Variants in ANO4 observed in about 807,000 individuals in gnomAD.
ANO4 encodes anoctamin-4.
Under a neutral mutation model 141.9 loss-of-function variants are expected in ANO4, and 69 were observed. The ratio of observed to expected loss-of-function variants is 0.49; its 90% confidence interval spans 0.40 to 0.59. The LOEUF (loss-of-function observed/expected upper bound fraction) is 0.59, where lower values mean the gene tolerates loss of function less well. ANO4 is among the 20% of genes least tolerant of loss of function. ANO4 has a pLI of 0.00. For missense variants in ANO4, 894 were observed against 1,162.2 expected (o/e 0.77, Z 3.36); for synonymous variants, 350 against 394.3 (o/e 0.89, Z 1.33).
intron 13 of ANO4, among the ~76,000 whole-genome samples, chr12:101,044,113 A>T (rs1043352853): frequency 1.3e-5 from 2 of 152,154 alleles, no homozygotes; most frequent in Non-Finnish European, 2.9e-5. Flanking sequence ...TATTGTCAAA[A>T]TGACCTCCAA....
chr12:100,819,348 G>A (rs1479894357), intron 1 of ANO4, among the ~76,000 whole-genome samples: 1 of 151,862 alleles, frequency 6.6e-6, no homozygotes, highest in African/African-American at 2.4e-5. Context: ...ATAGGTACCA[G>A]CAATATAGAT....
At chr12:100,803,602 A>C (rs2034823375) in intron 1 of ANO4, among the ~76,000 whole-genome samples, 1 of 152,220 alleles carries the variant, frequency 6.6e-6, no homozygotes, top group Non-Finnish European at 1.5e-5. Context: ...TTAGGATTTA[A>C]AGGAAAATGT....
intron 1 of ANO4, among the ~76,000 whole-genome samples, chr12:100,823,053 A>G (rs1346834906): frequency 6.6e-6 from 1 of 152,064 alleles, no homozygotes; most frequent in Non-Finnish European, 1.5e-5. Context: ...CTGAAAAAAA[A>G]TCAGATATTT....
intron 3 of ANO4, among the ~76,000 whole-genome samples, chr12:100,925,168 G>C (rs969580782): frequency 6.6e-6 from 1 of 152,008 alleles, no homozygotes; most frequent in Non-Finnish European, 1.5e-5. Context: ...AAGATTTTGG[G>C]CCATTCAGTC....
intron 9 of ANO4, among the ~76,000 whole-genome samples, chr12:101,031,187 T>C (rs530602046): frequency 7.2e-4 from 110 of 152,276 alleles, no homozygotes; most frequent in African/African-American, 2.6e-3. Flanking sequence ...AAATCCTCAA[T>C]AAAATACTGG....
chr12:100,924,721 G>T (rs1172817019), intron 3 of ANO4, among the ~76,000 whole-genome samples: 1 of 152,078 alleles, frequency 6.6e-6, no homozygotes, highest in Non-Finnish European at 1.5e-5. Context: ...ATGATAGGTT[G>T]TACAGTGCTC....
chr12:101,004,002 G>A (rs1401428101), intron 8 of ANO4, among the ~76,000 whole-genome samples: 1 of 151,916 alleles, frequency 6.6e-6, no homozygotes, highest in Non-Finnish European at 1.5e-5. Context: ...AGCAGGATAG[G>A]TAGATGGCTG....
At chr12:101,112,683 C>G (rs2050706579) in intron 24 of ANO4, among the ~76,000 whole-genome samples, 1 of 152,150 alleles carries the variant, frequency 6.6e-6, no homozygotes, top group Admixed American at 6.5e-5. Context: ...TAAGTGCCAC[C>G]AAAGCAAATC....
intron 8 of ANO4, among the ~76,000 whole-genome samples, chr12:101,018,067 T>C (rs563014500): frequency 1.3e-4 from 20 of 152,360 alleles, no homozygotes; most frequent in Admixed American, 1.2e-3. Flanking sequence ...AATTTTCTTG[T>C]CAAGCATAGT....
chr12:100,876,767 G>A (rs2039330107), intron 1 of ANO4, among the ~76,000 whole-genome samples: 1 of 152,154 alleles, frequency 6.6e-6, no homozygotes, highest in Non-Finnish European at 1.5e-5. Context: ...GACCATAAAT[G>A]CATGGGTTTA....
intron 17 of ANO4, among the ~76,000 whole-genome samples, chr12:101,090,975 T>A (rs1349530503): frequency 2.0e-5 from 3 of 152,188 alleles, no homozygotes; most frequent in Non-Finnish European, 4.4e-5. Flanking sequence ...TTGCTGATGT[T>A]ACAAAGCACC....
chr12:101,126,557 C>T (rs2051323541), intron 26 of ANO4, among the ~76,000 whole-genome samples: 1 of 152,178 alleles, frequency 6.6e-6, no homozygotes, highest in Non-Finnish European at 1.5e-5. Flanking sequence ...GGTAGACAGA[C>T]AGCCCTTAAG....
intron 1 of ANO4, among the ~76,000 whole-genome samples, chr12:100,831,550 A>C (rs916544712): frequency 3.3e-5 from 5 of 152,146 alleles, no homozygotes; most frequent in African/African-American, 1.2e-4. Flanking sequence ...GAAAGAAAAC[A>C]ATTTGGGGAG....
At position 100,900,402 on chromosome 12, in the gene ANO4, C is replaced by T. The variant is rs1384435042; in HGVS notation, c.-140-1244C>T. On this transcript the variant is annotated intron_variant, in intron 1 of 27. Transcript: ENST00000392977. Reference sequence around the variant, plus strand: ...ATGTGCCATGTTGGTGTGCTGCACTCATTAACTCGTCATTTACATTAGGTA... The same window carrying T: ...ATGTGCCATGTTGGTGTGCTGCACTTATTAACTCGTCATTTACATTAGGTA... Among the ~76,000 whole-genome samples the T allele has an allele frequency of 3.3e-5, 5 of 152,134 alleles. No individual in the cohort carries two copies. The South Asian group carries it at 6.2e-4, about 19-fold the overall frequency.
In ANO4 at chr12:101,004,273, C is replaced by A. The variant is rs181912100; in HGVS notation, c.735-15761C>A. ...AGCAAAATGAAGAGGTTGGGGTTATCGGAACCAAGATGCTCAGAGAGGCCC... is the reference window on the plus strand; with the variant it reads ...AGCAAAATGAAGAGGTTGGGGTTATAGGAACCAAGATGCTCAGAGAGGCCC... On this transcript the variant is annotated intron_variant, in intron 8 of 27. Transcript: ENST00000392977. 4.6e-5 allele frequency among the ~76,000 whole-genome samples: 7 copies of A among 152,086 alleles called. No individual in the cohort carries two copies. In the East Asian group the frequency reaches 1.4e-3, roughly 29 times the overall value.
intron 8 of ANO4, among the ~76,000 whole-genome samples, chr12:100,991,229 T>G (rs1009753236): frequency 5.9e-5 from 9 of 152,176 alleles, no homozygotes; most frequent in Non-Finnish European, 1.3e-4. Context: ...TGAAGAATGC[T>G]GGCTGTCAAA....
At chr12:100,847,564 C>T (rs926812594) in intron 1 of ANO4, among the ~76,000 whole-genome samples, 5 of 151,910 alleles carry the variant, frequency 3.3e-5, no homozygotes, top group South Asian at 4.2e-4. Flanking sequence ...CTCCGCCTCC[C>T]GGGTTCACGC....
intron 5 of ANO4, among the ~76,000 whole-genome samples, chr12:100,957,368 G>A (rs1020943313): frequency 3.9e-5 from 6 of 152,108 alleles, no homozygotes; most frequent in East Asian, 1.9e-4. Context: ...CAAGCACCAA[G>A]CTACCCACAA....
chr12:101,018,576 A>AT (rs1308495979), intron 8 of ANO4, among the ~76,000 whole-genome samples: 1 of 151,980 alleles, frequency 6.6e-6, no homozygotes. Context: ...CTCGAGGCCA[A>AT]TTTTTTCTCT....
Sources: allele counts gnomAD v4.1 joint callset (sites outside exome capture counted in the v4.1 genomes callset), GRCh38; gene constraint gnomAD v4.1.1; transcripts MANE v1.5; gene names NCBI Gene and HGNC (gene_info 2026-07-23, HGNC 2026-07-21).